The following AFG2A variants were observed in gnomAD, a reference collection of about 807,000 sequenced individuals.
AFG2A encodes the protein ATPase family gene 2 protein homolog A.
the AFG2A span, among the ~76,000 whole-genome samples, chr4:123,206,323 GGT>G: frequency 9.9e-5 from 15 of 151,994 alleles, no homozygotes; most frequent in Admixed American, 3.9e-4. Context: ...CTGAGTTATG[GGT>G]GTTAAAACCA....
chr4:123,123,690 G>A, the AFG2A span, among the ~76,000 whole-genome samples: 2 of 151,996 alleles, frequency 1.3e-5, no homozygotes, highest in African/African-American at 4.8e-5. Flanking sequence ...GCTCACGCCT[G>A]TAATCCCAGC....
chr4:123,109,201 TAAACACTAGG>T, the AFG2A span, among the ~76,000 whole-genome samples: 3 of 152,266 alleles, frequency 2.0e-5, no homozygotes, highest in East Asian at 5.8e-4. Context: ...GAATTGAAGT[TAAACACTAGG>T]AAATAGATGA....
the AFG2A span, among the ~76,000 whole-genome samples, chr4:123,083,183 A>G: frequency 2.0e-5 from 3 of 152,132 alleles, no homozygotes; most frequent in Non-Finnish European, 4.4e-5. Flanking sequence ...GAATGGGCAG[A>G]AGGGTCATCC....
chr4:123,137,935 T>G, the AFG2A span, among the ~76,000 whole-genome samples: 2 of 152,170 alleles, frequency 1.3e-5, no homozygotes, highest in African/African-American at 4.8e-5. Context: ...TTCTATACAT[T>G]AGTATAGAAC....
the AFG2A span, among the ~76,000 whole-genome samples, chr4:122,967,835 A>T: frequency 4.6e-5 from 7 of 152,062 alleles, no homozygotes; most frequent in African/African-American, 1.7e-4. Flanking sequence ...ATTTTCCTAG[A>T]TCATCATGTT....
chr4:122,954,658 T>G, the AFG2A span, among the ~76,000 whole-genome samples: 1 of 152,194 alleles, frequency 6.6e-6, no homozygotes, highest in Non-Finnish European at 1.5e-5. Flanking sequence ...GTCTCTGATG[T>G]TTTAGGTTGA....
At chr4:123,058,362 C>G in the AFG2A span, among the ~76,000 whole-genome samples, 1 of 152,148 alleles carries the variant, frequency 6.6e-6, no homozygotes, top group Non-Finnish European at 1.5e-5. Context: ...CCGTGGCTCA[C>G]GCCTGTAATC....
the AFG2A span, among the ~76,000 whole-genome samples, chr4:123,011,088 T>G: frequency 6.6e-6 from 1 of 152,256 alleles, no homozygotes; most frequent in Non-Finnish European, 1.5e-5. Flanking sequence ...GTAACAGTCC[T>G]CTTTCCCCAA....
chr4:123,057,810 T>TATAC, the AFG2A span, among the ~76,000 whole-genome samples: 68 of 151,596 alleles, frequency 4.5e-4, no homozygotes, highest in African/African-American at 1.4e-3. Flanking sequence ...AACAAATATA[T>TATAC]ACACACACAC....
the AFG2A span, among the ~76,000 whole-genome samples, chr4:123,002,615 G>T: frequency 0.04 from 6,163 of 152,186 alleles, 396 homozygotes; most frequent in African/African-American, 0.14. Flanking sequence ...TTTTCTTTAA[G>T]AATGTTGAAT....
chr4:123,221,301 A>G, the AFG2A span, among the ~76,000 whole-genome samples: 1 of 152,130 alleles, frequency 6.6e-6, no homozygotes, highest in Non-Finnish European at 1.5e-5. Flanking sequence ...AACTACAGGC[A>G]TGCATCACCA....
chr4:123,306,944 T>C, the AFG2A span, among the ~76,000 whole-genome samples: 1 of 152,182 alleles, frequency 6.6e-6, no homozygotes, highest in Admixed American at 6.5e-5. Flanking sequence ...GAGGACAAGA[T>C]GGTGAAGGGA....
the AFG2A span, among the ~76,000 whole-genome samples, chr4:123,006,938 C>CTTTT: frequency 1.4e-5 from 2 of 146,700 alleles, no homozygotes; most frequent in African/African-American, 2.5e-5. Flanking sequence ...CTTTTACTCT[C>CTTTT]TTTTTTTTTC....
At chr4:123,007,590 GTGTGTGTGTGTGTGTGTGTA>G in the AFG2A span, among the ~76,000 whole-genome samples, 562 of 4,562 alleles carry the variant, frequency 0.12, 10 homozygotes, top group African/African-American at 0.23. Context: ...GTGTGTGTGT[GTGTGTGTGTGTGTGTGTGTA>G]TATATATATA....
the AFG2A span, among the ~76,000 whole-genome samples, chr4:122,958,547 C>A: frequency 6.6e-6 from 1 of 152,174 alleles, no homozygotes; most frequent in South Asian, 2.1e-4. Flanking sequence ...CAGGACCAAT[C>A]ACTTAGAGCA....
the AFG2A span, among the ~76,000 whole-genome samples, chr4:122,951,801 G>T: frequency 6.6e-6 from 1 of 152,146 alleles, no homozygotes; most frequent in Middle Eastern, 3.2e-3. Flanking sequence ...AGCTGTTTGT[G>T]TACCAGGCCT....
At chr4:123,173,955 A>G in the AFG2A span, among the ~76,000 whole-genome samples, 1 of 152,160 alleles carries the variant, frequency 6.6e-6, no homozygotes, top group African/African-American at 2.4e-5. Context: ...TTCTTGATAT[A>G]GATCTGACTA....
chr4:123,255,715 C>CTTTTTTTTT, the AFG2A span, among the ~76,000 whole-genome samples: 3 of 103,910 alleles, frequency 2.9e-5, no homozygotes, highest in African/African-American at 1.1e-4. Flanking sequence ...TACTGCTTTT[C>CTTTTTTTTT]TATTTTTTTT....
chr4:123,022,064 G>T, the AFG2A span, among the ~76,000 whole-genome samples: 1 of 151,288 alleles, frequency 6.6e-6, no homozygotes, highest in East Asian at 1.9e-4. Flanking sequence ...TTAAACGTTA[G>T]ACCTAAAACC....
Sources: gnomAD v4.1 joint callset for allele counts (sites outside exome capture counted in the v4.1 genomes callset) on GRCh38, gnomAD v4.1.1 for gene constraint, MANE v1.5 for transcripts, NCBI Gene and HGNC (gene_info 2026-07-23, HGNC 2026-07-21) for gene names.